The following SLC35F1 variants were observed in gnomAD, a reference collection of about 807,000 sequenced individuals.
SLC35F1 encodes chromosome 6 open reading frame 169.
In SLC35F1, 14 loss-of-function variants were observed where a neutral mutation model predicts 48.7. The ratio of observed to expected loss-of-function variants is 0.29; its 90% CI spans 0.19 to 0.45. The LOEUF (loss-of-function observed/expected upper bound fraction) is 0.45. SLC35F1 is among the 20% of genes least tolerant of loss of function. SLC35F1 has a pLI of 1.00. For synonymous variants in SLC35F1, 190 were observed against 202.2 expected, an observed-to-expected ratio of 0.94 and a Z score of 0.51; for missense variants, 404 against 500.0, an observed-to-expected ratio of 0.81 and a Z score of 1.83.
At chr6:117,966,846 A>G (rs1776577661) in intron 1 of SLC35F1, among the ~76,000 whole-genome samples, 1 of 152,146 alleles carries the variant, frequency 6.6e-6, no homozygotes, top group Admixed American at 6.5e-5. Flanking sequence ...CCTGTGTCCA[A>G]ATACAGTCAC....
chr6:118,070,780 C>T lies in SLC35F1; in HGVS notation c.174-83665C>T, dbSNP rs1012034556. 4.1e-5 allele frequency among the ~76,000 whole-genome samples: 6 copies of T among 148,002 alleles called. No individual in the cohort carries two copies. The Admixed American group carries it at 4.1e-4, about 10-fold the overall frequency. The stretch of plus-strand genomic sequence containing the variant: ...TTTTTTACACTAGCCCATCTTCCAT[C>T]TCCCAACCTCCCAATATAGTGATAT... On this transcript the variant is annotated intron_variant, in intron 1 of 7. Transcript: ENST00000360388.
At chr6:117,938,817 A>T (rs532150209) in intron 1 of SLC35F1, among the ~76,000 whole-genome samples, 1 of 152,168 alleles carries the variant, frequency 6.6e-6, no homozygotes, top group South Asian at 2.1e-4. Flanking sequence ...GAATAGATTT[A>T]AGTGCCAGCT....
At chr6:118,235,208 A>G (rs1240816191) in intron 2 of SLC35F1, among the ~76,000 whole-genome samples, 1 of 152,138 alleles carries the variant, frequency 6.6e-6, no homozygotes, top group Non-Finnish European at 1.5e-5. Flanking sequence ...TTTCATTTTC[A>G]TATGATGTAA....
chr6:117,965,970 T>A (rs1776557223), intron 1 of SLC35F1, among the ~76,000 whole-genome samples: 1 of 151,148 alleles, frequency 6.6e-6, no homozygotes, highest in South Asian at 2.1e-4. Context: ...TAGCTAAAGG[T>A]TTGTAAACGC....
chr6:118,001,058 C>T (rs922116451), intron 1 of SLC35F1, among the ~76,000 whole-genome samples: 5 of 152,086 alleles, frequency 3.3e-5, no homozygotes, highest in Non-Finnish European at 7.4e-5. Flanking sequence ...CCATCCCCAT[C>T]AAGCTACCAA....
chr6:118,194,608 G>A (rs1456051430), intron 2 of SLC35F1, among the ~76,000 whole-genome samples: 14 of 152,140 alleles, frequency 9.2e-5, no homozygotes, highest in Admixed American at 9.2e-4. Context: ...GACAAAGAAA[G>A]ACAAATTCAT....
chr6:118,223,075 AGT>A (rs1775171622), intron 2 of SLC35F1, among the ~76,000 whole-genome samples: 1 of 152,188 alleles, frequency 6.6e-6, no homozygotes, highest in Non-Finnish European at 1.5e-5. Context: ...TAATATTTTC[AGT>A]TAGAAATGCT....
At chr6:118,172,354 G>T (rs1302401132) in intron 2 of SLC35F1, among the ~76,000 whole-genome samples, 1 of 152,036 alleles carries the variant, frequency 6.6e-6, no homozygotes, top group South Asian at 2.1e-4. Flanking sequence ...AATGTATCCT[G>T]CCTTTTTCTA....
At chr6:118,150,331 C>A (rs1227823051) in intron 1 of SLC35F1, among the ~76,000 whole-genome samples, 3 of 152,034 alleles carry the variant, frequency 2.0e-5, no homozygotes, top group Admixed American at 6.6e-5. Flanking sequence ...TTTTGTAGCT[C>A]CCCAGTGACA....
chr6:117,992,106 A>T (rs1265383789), intron 1 of SLC35F1, among the ~76,000 whole-genome samples: 4 of 152,070 alleles, frequency 2.6e-5, no homozygotes, highest in Admixed American at 6.6e-5. Context: ...GCCTTTTCCC[A>T]TCCTGAGATC....
intron 1 of SLC35F1, among the ~76,000 whole-genome samples, chr6:118,145,219 CAT>C (rs1489705879): frequency 6.6e-6 from 1 of 152,164 alleles, no homozygotes; most frequent in Non-Finnish European, 1.5e-5. Context: ...AGAAGGGAAT[CAT>C]GTGGTCTTTT....
intron 7 of SLC35F1, among the ~76,000 whole-genome samples, chr6:118,289,105 A>G (rs1776086175): frequency 6.6e-6 from 1 of 152,204 alleles, no homozygotes; most frequent in Non-Finnish European, 1.5e-5. Context: ...ACAATGTGTT[A>G]CCCTTAGGGA....
At chr6:118,029,868 G>T (rs1411244022) in intron 1 of SLC35F1, among the ~76,000 whole-genome samples, 1 of 152,120 alleles carries the variant, frequency 6.6e-6, no homozygotes, top group Non-Finnish European at 1.5e-5. Context: ...GTATGCCACA[G>T]TTTCCTACTT....
chr6:118,039,538 T>C (rs1261969430), intron 1 of SLC35F1, among the ~76,000 whole-genome samples: 2 of 152,008 alleles, frequency 1.3e-5, no homozygotes, highest in African/African-American at 4.8e-5. Context: ...TCTTTTTTCA[T>C]TTTGTTTTCT....
intron 3 of SLC35F1, among the ~76,000 whole-genome samples, chr6:118,239,505 CT>C (rs765495701): frequency 5.4e-5 from 8 of 148,162 alleles, no homozygotes; most frequent in Non-Finnish European, 1.2e-4. Context: ...TTTTTTTTTT[CT>C]GTTAAGCATT....
At chr6:117,914,446 T>C (rs1775803288) in intron 1 of SLC35F1, among the ~76,000 whole-genome samples, 1 of 152,232 alleles carries the variant, frequency 6.6e-6, no homozygotes, top group East Asian at 1.9e-4. Context: ...TTTGTGATCA[T>C]ATCTGAGTCT....
intron 1 of SLC35F1, among the ~76,000 whole-genome samples, chr6:118,147,785 A>C (rs1372823817): frequency 3.3e-5 from 5 of 152,182 alleles, no homozygotes; most frequent in Non-Finnish European, 7.3e-5. Flanking sequence ...TGTTTAAAGC[A>C]CTTCCTTGCG....
intron 1 of SLC35F1, among the ~76,000 whole-genome samples, chr6:117,932,302 G>A (rs879481441): frequency 5.3e-5 from 8 of 152,128 alleles, no homozygotes; most frequent in Admixed American, 5.2e-4. Flanking sequence ...TATAGCAGCA[G>A]GAACAGACTA....
At chr6:117,984,166 T>G (rs1373036706) in intron 1 of SLC35F1, among the ~76,000 whole-genome samples, 3 of 152,232 alleles carry the variant, frequency 2.0e-5, no homozygotes, top group Non-Finnish European at 4.4e-5. Context: ...ATGCTAATAA[T>G]ATTTTTCAGA....
Sources: allele counts gnomAD v4.1 joint callset (sites outside exome capture counted in the v4.1 genomes callset), GRCh38; gene constraint gnomAD v4.1.1; transcripts MANE v1.5; gene names NCBI Gene and HGNC (gene_info 2026-07-23, HGNC 2026-07-21).